MGST2: variants seen among roughly 807,000 people sequenced by gnomAD.
MGST2 encodes the protein glutathione peroxidase MGST2.
Under a neutral mutation model 16.6 loss-of-function variants are expected in MGST2, and 9 were observed. The ratio of observed to expected loss-of-function variants is 0.54; its 90% CI spans 0.33 to 0.95. The LOEUF (loss-of-function observed/expected upper bound fraction) is 0.95. Ranked by LOEUF, MGST2 falls within the 40% of genes least tolerant of loss-of-function variation. The pLI is 0.03. For synonymous variants in MGST2, 79 were observed against 68.0 expected, an observed-to-expected ratio of 1.16 and a Z score of -0.79; for missense variants, 159 against 175.1, an observed-to-expected ratio of 0.91 and a Z score of 0.52.
At chr4:139,677,999 G>A (rs1000142634) in intron 1 of MGST2, among the ~76,000 whole-genome samples, 5 of 152,120 alleles carry the variant, frequency 3.3e-5, no homozygotes, top group South Asian at 4.1e-4. Flanking sequence ...AGTGATTTTG[G>A]GGTCCTGAGA....
Position 139,694,183 on chromosome 4 carries a change from C to CT in MGST2, c.159-1000dup, listed in dbSNP as rs566625479. On this transcript the variant is annotated intron_variant, in intron 2 of 4. Coordinates refer to ENST00000265498, the MANE Select transcript of MGST2 (RefSeq NM_002413.5). ...GGAAGAATTACGCTTTGTAATTATG[C>CT]TTTTTTTTTTTTTTAAATTCAGAGA... Among the ~76,000 whole-genome samples the CT allele has an allele frequency of 3.0e-3, 417 of 139,794 alleles. 1 individual carries two copies. Among genetic ancestry groups the CT allele is most frequent in the East Asian group, 0.012 (58 of 4,798 alleles). 91.7% of individuals were successfully genotyped at this position (139,794 alleles called of 152,430 possible).
the MGST2 span, among the ~76,000 whole-genome samples, chr4:139,747,765 A>T: frequency 6.6e-6 from 1 of 152,016 alleles, no homozygotes; most frequent in Middle Eastern, 3.4e-3. Flanking sequence ...ATAAGAATGC[A>T]TATATAGGCT....
Position 139,703,480 on chromosome 4 carries a change from G to A in MGST2, c.255G>A (p.Val85=). The stretch of plus-strand genomic sequence containing the variant: ...TTTTTGCTACTTGTCTGGGTCTGGT[G>A]TACATATATGGCCGTCACCTATACT... ...NQVFATCLGL[V]YIYGRHLYFW... Residue 85 remains valine, a synonymous_variant, in exon 4 of 5, where the codon GTG becomes GTA. Transcript: ENST00000265498. The A allele has an allele frequency of 6.2e-7, 1 of 1,613,788 alleles. No homozygotes were observed. Among genetic ancestry groups the A allele is most frequent in the Non-Finnish European group, 8.5e-7 (1 of 1,179,934 alleles).
chr4:139,742,651 T>A (rs1729206474), downstream of MGST2, among the ~76,000 whole-genome samples: 1 of 152,170 alleles, frequency 6.6e-6, no homozygotes, highest in South Asian at 2.1e-4. Flanking sequence ...CTCAGCTGTG[T>A]AAAGGAAAAC....
chr4:139,677,659 G>A (rs1368628679), intron 1 of MGST2, among the ~76,000 whole-genome samples: 1 of 151,914 alleles, frequency 6.6e-6, no homozygotes, highest in African/African-American at 2.4e-5. Context: ...GCACCACCAC[G>A]TCCAGCAAAT....
downstream of MGST2, among the ~76,000 whole-genome samples, chr4:139,708,999 C>CAAA (rs36036249): frequency 2.5e-3 from 256 of 102,516 alleles, 2 homozygotes; most frequent in South Asian, 7.5e-3. Context: ...AACTCCGTCT[C>CAAA]AAAAAAAAAA....
At chr4:139,709,017 A>G (rs1204439289), downstream of MGST2, among the ~76,000 whole-genome samples, 1 of 140,786 alleles carries the variant, frequency 7.1e-6, no homozygotes, top group Non-Finnish European at 1.6e-5. Context: ...AAAAAAAAAG[A>G]AAAAGAAAAA....
intron 1 of MGST2, among the ~76,000 whole-genome samples, chr4:139,671,877 A>G (rs1430190923): frequency 6.6e-6 from 1 of 152,074 alleles, no homozygotes; most frequent in Non-Finnish European, 1.5e-5. Flanking sequence ...CCTGACCTCA[A>G]GTGATCCACC....
chr4:139,730,382 A>C (rs1728651149), intron 5 of MGST2: 2 of 1,502,218 alleles, frequency 1.3e-6, no homozygotes, highest in East Asian at 4.9e-5. Flanking sequence ...TGCTTGCTGA[A>C]TGAATGAATG....
At chr4:139,673,027 A>G (rs8192036) in intron 1 of MGST2, among the ~76,000 whole-genome samples, 2,967 of 152,302 alleles carry the variant, frequency 0.019, 104 homozygotes, top group African/African-American at 0.067. Flanking sequence ...CCAGTAGGAA[A>G]CACATTGCCT....
chr4:139,722,766 C>G (rs1301852399), intron 5 of MGST2, among the ~76,000 whole-genome samples: 1 of 152,222 alleles, frequency 6.6e-6, no homozygotes, highest in Non-Finnish European at 1.5e-5. Flanking sequence ...GATAGGTTCT[C>G]ATGCAAGTTA....
chr4:139,726,715 AC>A (rs1310241692), intron 5 of MGST2, among the ~76,000 whole-genome samples: 3 of 152,200 alleles, frequency 2.0e-5, no homozygotes, highest in Non-Finnish European at 4.4e-5. Context: ...CTTTGAGGAA[AC>A]CATGTGGGAT....
intron 5 of MGST2, among the ~76,000 whole-genome samples, chr4:139,710,082 T>C (rs560418629): frequency 1.3e-5 from 2 of 152,384 alleles, no homozygotes; most frequent in East Asian, 3.9e-4. Flanking sequence ...TAATTTTTCT[T>C]GTTCCACTTT....
chr4:139,735,269 CA>C lies in MGST2; in HGVS notation c.*49-4939del, dbSNP rs1728888173. On this transcript the variant is annotated intron_variant, in intron 5 of 5. Coordinates refer to the MGST2 transcript ENST00000616265. This position sits in a 1 kb window ranked among gnomAD's most constrained non-coding sequence, Gnocchi z 5.8. ...CTGGTGACTCGAGGCCCTCTTTGCACAAAATGAGTTCTCTCTCCATTGCCGT... is the reference window on the plus strand; with the variant it reads ...CTGGTGACTCGAGGCCCTCTTTGCACAAATGAGTTCTCTCTCCATTGCCGT... Among the ~76,000 whole-genome samples the C allele has an allele frequency of 6.6e-6, 1 of 152,232 alleles. No homozygotes were observed. Among genetic ancestry groups the C allele is most frequent in the African/African-American group, 2.4e-5 (1 of 41,462 alleles).
intron 2 of MGST2, chr4:139,685,095 A>G (rs1175320247): frequency 6.6e-6 from 1 of 152,276 alleles, no homozygotes; most frequent in Non-Finnish European, 1.5e-5. Context: ...CAGCAGGCAC[A>G]TAGGTTTCAG....
Position 139,732,342 on chromosome 4 carries a change from G to A in MGST2, c.*49-7870G>A, listed in dbSNP as rs112888928. Among the ~76,000 whole-genome samples, 283 of 152,164 alleles carry A rather than the reference G, an allele frequency of 1.9e-3. 1 individual carries two copies. The highest frequency in any genetic ancestry group is 6.5e-3 in the African/African-American group (270 of 41,502). The stretch of plus-strand genomic sequence containing the variant: ...TCCTCCCTTCCTTCTGTGGTGTGCT[G>A]TAGAACCATGCAGGCTTCCCTCTCC... On this transcript the variant is annotated intron_variant, in intron 5 of 5. Coordinates refer to the MGST2 transcript ENST00000616265.
the MGST2 span, among the ~76,000 whole-genome samples, chr4:139,748,576 A>G: frequency 5.8e-3 from 884 of 152,302 alleles, 6 homozygotes; most frequent in African/African-American, 0.02. Flanking sequence ...GAGGCCAAGA[A>G]CAGACCCTGG....
At chr4:139,689,565 G>A (rs1560746325) in intron 2 of MGST2, among the ~76,000 whole-genome samples, 1 of 152,166 alleles carries the variant, frequency 6.6e-6, no homozygotes, top group Non-Finnish European at 1.5e-5. Context: ...GACCAAGGCC[G>A]GGTCATCCAT....
the MGST2 span, among the ~76,000 whole-genome samples, chr4:139,754,304 T>A: frequency 6.6e-6 from 1 of 152,230 alleles, no homozygotes; most frequent in South Asian, 2.1e-4. Context: ...TGATTATAAA[T>A]TTATCCACTA....
Sources: gnomAD v4.1 joint callset for allele counts (sites outside exome capture counted in the v4.1 genomes callset) on GRCh38, gnomAD v4.1.1 for gene constraint, Gnocchi (gnomAD v3.1) non-coding constraint, MANE v1.5 for transcripts, NCBI Gene and HGNC (gene_info 2026-07-23, HGNC 2026-07-21) for gene names.